Variants in CYTH1 observed in about 807,000 individuals in gnomAD.
CYTH1 encodes the protein cytohesin 1.
Under a neutral mutation model 61.8 loss-of-function variants are expected in CYTH1, and 18 were observed. The ratio of observed to expected loss-of-function variants is 0.29; its 90% CI spans 0.20 to 0.43. The LOEUF (loss-of-function observed/expected upper bound fraction) is 0.43, where lower values mean the gene tolerates loss of function less well. CYTH1 is among the 20% of genes least tolerant of loss of function. CYTH1 has a pLI of 1.00. For missense variants in CYTH1, 336 were observed against 510.5 expected (o/e 0.66, Z 3.29); for synonymous variants, 174 against 184.3 (o/e 0.94, Z 0.45).
chr17:78,700,533 T>C lies in CYTH1; in HGVS notation c.438-90A>G. Reference sequence around the variant, plus strand: ...AAACTGCCAATGATTTTTTTTTTCTTTTTTTTTTTGAGATGGAGTCTCACT... The same window carrying C: ...AAACTGCCAATGATTTTTTTTTTCTCTTTTTTTTTGAGATGGAGTCTCACT... On this transcript the variant is annotated intron_variant, in intron 6 of 13. Transcript: ENST00000446868. This position sits in a 1 kb window ranked among gnomAD's most constrained non-coding sequence, Gnocchi z 5.1. The C allele has an allele frequency of 5.7e-5, 59 of 1,040,342 alleles. No individual in the cohort carries two copies. The highest frequency in any genetic ancestry group is 2.1e-4 in the Middle Eastern group (1 of 4,658). 64.4% of individuals were successfully genotyped at this position (1,040,342 alleles called of 1,614,324 possible).
At chr17:78,712,588 G>A (rs894142554) in intron 1 of CYTH1, among the ~76,000 whole-genome samples, 3 of 151,798 alleles carry the variant, frequency 2.0e-5, no homozygotes, top group Non-Finnish European at 2.9e-5. Context: ...GTTGGGAGGT[G>A]AAGGTTGCAG....
intron 1 of CYTH1, among the ~76,000 whole-genome samples, chr17:78,727,234 G>C (rs1567863041): frequency 6.6e-6 from 1 of 152,192 alleles, no homozygotes; most frequent in Non-Finnish European, 1.5e-5. Context: ...CCACAGACAT[G>C]ATAAGCATAA....
At chr17:78,706,013 C>G (rs1446309250) in intron 3 of CYTH1, among the ~76,000 whole-genome samples, 5 of 152,146 alleles carry the variant, frequency 3.3e-5, no homozygotes, top group Non-Finnish European at 7.3e-5. Context: ...TCCTGATTAT[C>G]TCTGGGATAA....
At chr17:78,703,028 TG>T (rs1403828583) in intron 3 of CYTH1, among the ~76,000 whole-genome samples, 2 of 152,044 alleles carry the variant, frequency 1.3e-5, no homozygotes, top group East Asian at 3.9e-4. Context: ...TCAAATGATC[TG>T]CCTGCGTCAG....
chr17:78,694,486 TAAG>T (rs2092919173), intron 10 of CYTH1, among the ~76,000 whole-genome samples: 2 of 152,122 alleles, frequency 1.3e-5, no homozygotes, highest in Admixed American at 1.3e-4. Flanking sequence ...CAGAATTAAA[TAAG>T]GAGGATAAAG....
chr17:78,755,491 T>TTAAAAAA (rs1555614472), intron 1 of CYTH1, among the ~76,000 whole-genome samples: 2 of 129,846 alleles, frequency 1.5e-5, no homozygotes, highest in Admixed American at 8.1e-5. Flanking sequence ...TGGGTTTATT[T>TTAAAAAA]AAAAAAAAAA....
In CYTH1 at chr17:78,725,740, C is replaced by T. The variant is rs553253485; in HGVS notation, c.23-16008G>A. Among the ~76,000 whole-genome samples, 16 of 152,286 alleles carry T rather than the reference C, an allele frequency of 1.1e-4. No homozygotes were observed. In the East Asian group the frequency reaches 2.9e-3, roughly 28 times the overall value. ...GGCAAAGGCTTTAGCTTGACCCAGG[C>T]CAGAGACTGCAGGTGGCAAAAACCT... On this transcript the variant is annotated intron_variant, in intron 1 of 13. Transcript: ENST00000446868.
At chr17:78,709,473 T>C (rs778261862) in intron 2 of CYTH1, 177 bp downstream of exon 2, 134 of 608,582 alleles carry the variant, frequency 2.2e-4, no homozygotes, top group Middle Eastern at 4.3e-4. Context: ...TGACACTGCA[T>C]CTCCTCAGCT....
chr17:78,768,582 T>C lies in CYTH1; in HGVS notation c.22+13620A>G, dbSNP rs550804108. 3.9e-5 allele frequency among the ~76,000 whole-genome samples: 6 copies of C among 152,212 alleles called. No homozygotes were observed. In the East Asian group the frequency reaches 7.7e-4, roughly 20 times the overall value. Reference sequence around the variant, plus strand: ...TCATCTCCTTTCAATGCTATGTCCCTCCCAAACACTGGCAACCAAATCCAT... The same window carrying C: ...TCATCTCCTTTCAATGCTATGTCCCCCCCAAACACTGGCAACCAAATCCAT... On this transcript the variant is annotated intron_variant, in intron 1 of 13. Coordinates refer to ENST00000446868, the MANE Select transcript of CYTH1 (RefSeq NM_004762.6).
At position 78,707,615 on chromosome 17, in the gene CYTH1, G is replaced by A. The variant is rs74554389; in HGVS notation, c.170+582C>T. 4.2e-3 allele frequency among the ~76,000 whole-genome samples: 642 copies of A among 151,954 alleles called. 6 individuals carry two copies. The highest frequency in any genetic ancestry group is 0.015 in the African/African-American group (603 of 41,458). ...CACACCGACAGTGGACAACAGAGGG[G>A]AGTAATTCACATAAAAATTTAGGAG... On this transcript the variant is annotated intron_variant, in intron 3 of 13. Transcript: ENST00000446868.
intron 1 of CYTH1, among the ~76,000 whole-genome samples, chr17:78,746,843 G>A (rs1167318203): frequency 6.6e-6 from 1 of 151,968 alleles, no homozygotes; most frequent in Non-Finnish European, 1.5e-5. Context: ...TTCAGAGGGC[G>A]AGGCAGGTGA....
At chr17:78,693,340 T>C (rs2092907788) in intron 10 of CYTH1, among the ~76,000 whole-genome samples, 1 of 152,074 alleles carries the variant, frequency 6.6e-6, no homozygotes, top group African/African-American at 2.4e-5. Flanking sequence ...ACTGGGGTCA[T>C]GGCTAGGCAC....
At chr17:78,721,854 A>G (rs2093231743) in intron 1 of CYTH1, among the ~76,000 whole-genome samples, 1 of 152,106 alleles carries the variant, frequency 6.6e-6, no homozygotes, top group South Asian at 2.1e-4. Flanking sequence ...GACCAGCCTG[A>G]CCAACACGGT....
At chr17:78,750,896 A>G (rs984735409) in intron 1 of CYTH1, among the ~76,000 whole-genome samples, 1 of 152,042 alleles carries the variant, frequency 6.6e-6, no homozygotes, top group Admixed American at 6.5e-5. Flanking sequence ...GTTCCTACAG[A>G]CCTCTGGTCA....
At chr17:78,696,100 G>T in intron 9 of CYTH1, 91 bp from the exon 10 acceptor site, 2 of 1,351,176 alleles carry the variant, frequency 1.5e-6, no homozygotes, top group Non-Finnish European at 2.0e-6. Context: ...AATTAAACCC[G>T]ATTCCTTAAT....
chr17:78,761,767 A>C (rs1291499064), intron 1 of CYTH1, among the ~76,000 whole-genome samples: 3 of 152,224 alleles, frequency 2.0e-5, no homozygotes, highest in African/African-American at 7.2e-5. Context: ...TGTTATTTTT[A>C]AAAACTTTTT....
chr17:78,732,267 G>A (rs529266477), intron 1 of CYTH1, among the ~76,000 whole-genome samples: 60 of 152,186 alleles, frequency 3.9e-4, no homozygotes, highest in African/African-American at 1.3e-3. Flanking sequence ...CATCCCTCCT[G>A]TCTAATCAGA....
In CYTH1 at chr17:78,782,208, T is replaced by TAC; in HGVS notation, c.15_16insGT (p.Ser6ValfsTer8). ...GCCGCCGGGGCGCACTGACCGTAGC[T>TAC]GTCGTCCTCCTCCATGGTGCGGGAG... On this transcript the variant is annotated frameshift_variant, in exon 1 of 14. Transcript: ENST00000446868. LOFTEE classifies it high-confidence loss of function. 7.3e-7 allele frequency: 1 copy of TAC among 1,369,120 alleles called. No individual in the cohort carries two copies. Among genetic ancestry groups the TAC allele is most frequent in the Non-Finnish European group, 9.6e-7 (1 of 1,046,286 alleles). The allele number at this position is 1,369,120 out of a possible 1,614,324, so 84.8% of individuals were successfully genotyped here.
At position 78,708,274 on chromosome 17, in the gene CYTH1, C is replaced by G. The variant is rs771384108; in HGVS notation, c.106-13G>C. 5.6e-6 allele frequency: 9 copies of G among 1,610,208 alleles called. No individual in the cohort carries two copies. In the East Asian group the frequency reaches 1.3e-4, roughly 24 times the overall value. On this transcript the variant is annotated splice_polypyrimidine_tract_variant and intron_variant, in intron 2 of 13. Coordinates refer to ENST00000446868, the MANE Select transcript of CYTH1 (RefSeq NM_004762.6). ...CATCCTTCAGCCTCTATAAAACAGA[C>G]AGTCCAGAGTCAGCAGGAAAGGCAG...
Sources: gnomAD v4.1 joint callset for allele counts (sites outside exome capture counted in the v4.1 genomes callset) on GRCh38, gnomAD v4.1.1 for gene constraint, Gnocchi (gnomAD v3.1) non-coding constraint, MANE v1.5 for transcripts, NCBI Gene and HGNC (gene_info 2026-07-23, HGNC 2026-07-21) for gene names.